CACNG4: variants seen among roughly 807,000 people sequenced by gnomAD.
CACNG4 encodes voltage-dependent calcium channel gamma-4 subunit.
CACNG4 carries 8 observed loss-of-function variants against 22.9 expected under a neutral mutation model. The observed-to-expected ratio is 0.35, with a 90% CI of 0.21 to 0.63. The LOEUF (loss-of-function observed/expected upper bound fraction) is 0.63. Ranked by LOEUF, CACNG4 falls within the 30% of genes least tolerant of loss-of-function variation. CACNG4 has a pLI of 0.72. For synonymous variants in CACNG4, 188 were observed against 191.9 expected, an observed-to-expected ratio of 0.98 and a Z score of 0.17; for missense variants, 357 against 455.4, an observed-to-expected ratio of 0.78 and a Z score of 1.97.
intron 1 of CACNG4, among the ~76,000 whole-genome samples, chr17:67,007,615 C>T (rs951177880): frequency 2.6e-5 from 4 of 152,080 alleles, no homozygotes; most frequent in Admixed American, 6.5e-5. Context: ...GATGTGCTGT[C>T]GGAAACTCAG....
At chr17:67,024,497 G>C (rs1345805330) in intron 2 of CACNG4, among the ~76,000 whole-genome samples, 1 of 152,364 alleles carries the variant, frequency 6.6e-6, no homozygotes, top group Non-Finnish European at 1.5e-5. Context: ...GCTTCACGGA[G>C]ACTGCGTTCA....
chr17:67,026,185 T>C (rs758481666), intron 3 of CACNG4, among the ~76,000 whole-genome samples: 16 of 143,414 alleles, frequency 1.1e-4, no homozygotes, highest in Non-Finnish European at 1.2e-4. Flanking sequence ...GTGAGGAGTG[T>C]GGTGTGTGTG....
At chr17:67,026,944 A>T (rs2035571678) in intron 3 of CACNG4, among the ~76,000 whole-genome samples, 2 of 149,636 alleles carry the variant, frequency 1.3e-5, no homozygotes, top group African/African-American at 2.5e-5. Context: ...TGCTCCTTGA[A>T]GCAGTCATTT....
At chr17:66,969,814 G>C (rs2035192985) in intron 1 of CACNG4, among the ~76,000 whole-genome samples, 1 of 152,174 alleles carries the variant, frequency 6.6e-6, no homozygotes, top group Non-Finnish European at 1.5e-5. Flanking sequence ...ACCATTCAGA[G>C]AGGTTTCATC....
At chr17:66,988,153 G>A (rs1410566166) in intron 1 of CACNG4, among the ~76,000 whole-genome samples, 7 of 151,934 alleles carry the variant, frequency 4.6e-5, no homozygotes, top group South Asian at 2.1e-4. Flanking sequence ...ATGAATCCCC[G>A]TGTACTGCAC....
chr17:66,979,653 T>C (rs990566310), intron 1 of CACNG4, among the ~76,000 whole-genome samples: 3 of 152,112 alleles, frequency 2.0e-5, no homozygotes, highest in Admixed American at 6.5e-5. Context: ...ATAAACCCGA[T>C]ATTTAGATGA....
intron 1 of CACNG4, among the ~76,000 whole-genome samples, chr17:66,996,970 T>C (rs2035379335): frequency 6.6e-6 from 1 of 152,132 alleles, no homozygotes; most frequent in East Asian, 1.9e-4. Flanking sequence ...AGCTAGAAGA[T>C]GGTTCGAAAC....
chr17:66,972,834 G>A (rs745544831), intron 1 of CACNG4, among the ~76,000 whole-genome samples: 9 of 152,130 alleles, frequency 5.9e-5, no homozygotes, highest in African/African-American at 2.2e-4. Flanking sequence ...GCTGAGGCAG[G>A]AGAATTGCTT....
In CACNG4 at chr17:67,030,439, G is replaced by A. The variant is rs139092398; in HGVS notation, c.446-27G>A. On this transcript the variant is annotated intron_variant, in intron 3 of 3. Transcript: ENST00000262138. The surrounding 1 kb of genome is among the most constrained non-coding windows in gnomAD (Gnocchi z 6.4). ...TCTGCCTCTCTCCCTCCCTGGCCCC[G>A]CTCCCCGCTCCCCGCTTCCCTTTCA... 3,196 of 1,603,470 alleles carry A rather than the reference G, an allele frequency of 2.0e-3. 57 individuals carry two copies. The South Asian group carries it at 0.026, about 13-fold the overall frequency.
intron 2 of CACNG4, chr17:67,021,624 T>C (rs2035532653): frequency 6.6e-6 from 1 of 152,240 alleles, no homozygotes; most frequent in Non-Finnish European, 1.5e-5. Context: ...CTGCCTACCT[T>C]CTCTTCCACA....
At position 67,030,599 on chromosome 17, in the gene CACNG4, T is replaced by C. The variant is rs919195884; in HGVS notation, c.579T>C (p.Ile193=). 9 of 1,614,118 alleles carry C rather than the reference T, an allele frequency of 5.6e-6. No individual in the cohort carries two copies. The highest frequency in any genetic ancestry group is 7.6e-6 in the Non-Finnish European group (9 of 1,180,052). Residue 193 remains isoleucine (I), a synonymous_variant, in exon 4 of 4, where the codon ATT becomes ATC. Coordinates refer to ENST00000262138, the MANE Select transcript of CACNG4 (RefSeq NM_014405.4). This position sits in a 1 kb window ranked among gnomAD's most constrained non-coding sequence, Gnocchi z 6.4. The stretch of plus-strand genomic sequence containing the variant: ...TTTACTTTGGAGCTCTGTCTTTCAT[T>C]GTGGCTGAGACCGTGGGCGTCCTGG... The part of the protein sequence containing the change: ...WSFYFGALSF[I]VAETVGVLAV...
intron 1 of CACNG4, among the ~76,000 whole-genome samples, chr17:66,971,071 C>G (rs1201073296): frequency 6.6e-6 from 1 of 152,170 alleles, no homozygotes; most frequent in African/African-American, 2.4e-5. Flanking sequence ...GGGGAGGGGG[C>G]CTGGTGGGCC....
chr17:66,991,057 G>A (rs543261159), intron 1 of CACNG4, among the ~76,000 whole-genome samples: 71 of 152,230 alleles, frequency 4.7e-4, no homozygotes, highest in African/African-American at 1.6e-3. Flanking sequence ...GAGTCAAACC[G>A]TAAAGCGCTG....
At chr17:67,009,995 T>C (rs1174221204) in intron 1 of CACNG4, among the ~76,000 whole-genome samples, 1 of 151,892 alleles carries the variant, frequency 6.6e-6, no homozygotes, top group East Asian at 1.9e-4. Context: ...CAGCTCCTTC[T>C]TCCTCTACCT....
At chr17:66,998,080 T>C (rs2035385989) in intron 1 of CACNG4, among the ~76,000 whole-genome samples, 1 of 152,152 alleles carries the variant, frequency 6.6e-6, no homozygotes, top group Non-Finnish European at 1.5e-5. Context: ...TGCCTTGCAA[T>C]GTCAGGGTTC....
intron 1 of CACNG4, among the ~76,000 whole-genome samples, chr17:66,988,689 C>G (rs1422816102): frequency 6.6e-6 from 1 of 152,054 alleles, no homozygotes; most frequent in Non-Finnish European, 1.5e-5. Flanking sequence ...CTCTTTGCCT[C>G]TCTTAGACCA....
intron 1 of CACNG4, among the ~76,000 whole-genome samples, chr17:66,968,213 C>A (rs1420019086): frequency 6.6e-6 from 1 of 152,152 alleles, no homozygotes; most frequent in African/African-American, 2.4e-5. Context: ...CTCACCAGAT[C>A]ATCCTGCCTT....
At chr17:67,026,250 G>A (rs1476965842) in intron 3 of CACNG4, among the ~76,000 whole-genome samples, 1 of 150,022 alleles carries the variant, frequency 6.7e-6, no homozygotes, top group East Asian at 2.0e-4. Flanking sequence ...TATATTTGGG[G>A]ACTATGGTGT....
chr17:67,018,109 C>T, intron 1 of CACNG4, 80 bp from the exon 2 acceptor site: 1 of 1,086,010 alleles, frequency 9.2e-7, no homozygotes, highest in Non-Finnish European at 1.4e-6. Context: ...GGCTCACACA[C>T]ATGGCAACCG....
Sources: allele counts gnomAD v4.1 joint callset (sites outside exome capture counted in the v4.1 genomes callset), GRCh38; gene constraint gnomAD v4.1.1; non-coding constraint Gnocchi (gnomAD v3.1); transcripts MANE v1.5; gene names NCBI Gene and HGNC (gene_info 2026-07-23, HGNC 2026-07-21).